Variants in PDGFD observed in about 807,000 individuals in gnomAD.
The protein encoded by PDGFD is platelet-derived growth factor D.
Under a neutral mutation model 44.7 loss-of-function variants are expected in PDGFD, and 30 were observed. The ratio of observed to expected loss-of-function variants is 0.67; its 90% CI spans 0.50 to 0.91. The LOEUF (loss-of-function observed/expected upper bound fraction) is 0.91. PDGFD is among the 40% of genes least tolerant of loss of function. The pLI, the probability that PDGFD is intolerant of heterozygous loss-of-function variation, is 0.00. For synonymous variants in PDGFD, 173 were observed against 168.4 expected (o/e 1.03, Z -0.21); for missense variants, 445 against 457.8 (o/e 0.97, Z 0.25).
intron 1 of PDGFD, among the ~76,000 whole-genome samples, chr11:104,142,865 G>T (rs563463078): frequency 6.6e-6 from 1 of 152,144 alleles, no homozygotes; most frequent in Non-Finnish European, 1.5e-5. Flanking sequence ...GTGCATGTCC[G>T]CGAAGGTTTC....
At chr11:103,956,798 T>A (rs999419025) in intron 3 of PDGFD, among the ~76,000 whole-genome samples, 1 of 152,210 alleles carries the variant, frequency 6.6e-6, no homozygotes, top group African/African-American at 2.4e-5. Context: ...TGATTTGCAT[T>A]TCTCTGATGG....
At chr11:103,987,582 C>T (rs1253128893) in intron 3 of PDGFD, among the ~76,000 whole-genome samples, 1 of 152,164 alleles carries the variant, frequency 6.6e-6, no homozygotes, top group Non-Finnish European at 1.5e-5. Flanking sequence ...GCTTTTCATT[C>T]CACCCAAGTT....
rs1047981125 is a variant in PDGFD at position 103,909,441 on chromosome 11, T to C, written c.*253A>G. 9.4e-6 allele frequency: 4 copies of C among 427,066 alleles called. No individual in the cohort carries two copies. Among genetic ancestry groups the C allele is most frequent in the Admixed American group, 3.5e-5 (1 of 28,526 alleles). The allele number at this position is 427,066 out of a possible 1,614,324, so 26.5% of individuals were successfully genotyped here. ...ACACATAGACATGAATATATTTCTG[T>C]GTGTGTTTGTGCATATATAACCTCA... On this transcript the variant is annotated 3_prime_UTR_variant, in exon 7 of 7. Coordinates refer to ENST00000393158, the MANE Select transcript of PDGFD (RefSeq NM_025208.5).
At chr11:104,009,353 CA>C (rs1565309616) in intron 1 of PDGFD, among the ~76,000 whole-genome samples, 1 of 152,068 alleles carries the variant, frequency 6.6e-6, no homozygotes, top group African/African-American at 2.4e-5. Flanking sequence ...CATAGGTTCT[CA>C]TCCTATGCAA....
chr11:103,910,588 T>C (rs966223129), intron 6 of PDGFD, among the ~76,000 whole-genome samples: 3 of 152,220 alleles, frequency 2.0e-5, no homozygotes, highest in Non-Finnish European at 2.9e-5. Flanking sequence ...ACTTTTCCCA[T>C]AGTCTTTGCA....
chr11:104,036,987 C>T (rs1413159820), intron 1 of PDGFD: 2 of 1,614,270 alleles, frequency 1.2e-6, no homozygotes, highest in Non-Finnish European at 8.5e-7. Context: ...GACTCCTCAT[C>T]GAGGACCACT....
intron 3 of PDGFD, among the ~76,000 whole-genome samples, chr11:103,983,002 T>C (rs1859296368): frequency 6.6e-6 from 1 of 151,700 alleles, no homozygotes; most frequent in Non-Finnish European, 1.5e-5. Flanking sequence ...CCAAAGAAAT[T>C]TATAGATTCA....
chr11:104,148,922 T>C (rs777528163), intron 1 of PDGFD, among the ~76,000 whole-genome samples: 51 of 152,208 alleles, frequency 3.4e-4, no homozygotes, highest in Non-Finnish European at 6.0e-4. Context: ...GGACATGATC[T>C]TGTTTTTTTA....
At chr11:103,936,475 T>A (rs953940868) in intron 5 of PDGFD, among the ~76,000 whole-genome samples, 3 of 152,176 alleles carry the variant, frequency 2.0e-5, no homozygotes, top group African/African-American at 7.2e-5. Context: ...AATGATAAAA[T>A]TTTTTTAAAG....
At chr11:104,001,849 G>A (rs1179626303) in intron 1 of PDGFD, among the ~76,000 whole-genome samples, 1 of 152,162 alleles carries the variant, frequency 6.6e-6, no homozygotes, top group East Asian at 1.9e-4. Flanking sequence ...GGCTGTTAGA[G>A]CTTCCAAAAA....
intron 1 of PDGFD, among the ~76,000 whole-genome samples, chr11:104,134,682 T>C (rs1861975431): frequency 6.6e-6 from 1 of 152,200 alleles, no homozygotes; most frequent in African/African-American, 2.4e-5. Flanking sequence ...AAAGTCAGTA[T>C]TTCAGTTAAG....
intron 3 of PDGFD, among the ~76,000 whole-genome samples, chr11:103,974,538 G>A (rs1859153189): frequency 6.6e-6 from 1 of 152,204 alleles, no homozygotes; most frequent in South Asian, 2.1e-4. Flanking sequence ...GTATACACGT[G>A]CCATGGTGGT....
At chr11:104,009,028 G>C (rs17421160) in intron 1 of PDGFD, among the ~76,000 whole-genome samples, 44,879 of 151,838 alleles carry the variant, frequency 0.3, 8,104 homozygotes, top group Admixed American at 0.48. Flanking sequence ...TATTAATGTA[G>C]CCAAGGGCCC....
chr11:103,925,056 T>C (rs1858284530), intron 6 of PDGFD, among the ~76,000 whole-genome samples: 1 of 151,904 alleles, frequency 6.6e-6, no homozygotes, highest in Non-Finnish European at 1.5e-5. Flanking sequence ...CATGTGGTGG[T>C]TGGTTTTCTG....
At chr11:103,935,674 T>G (rs943402054) in intron 5 of PDGFD, among the ~76,000 whole-genome samples, 1 of 152,168 alleles carries the variant, frequency 6.6e-6, no homozygotes, top group Non-Finnish European at 1.5e-5. Context: ...CTTAGAGCCT[T>G]ATAGGGAAGA....
chr11:103,940,591 T>C (rs534191135), intron 5 of PDGFD, among the ~76,000 whole-genome samples: 1 of 152,144 alleles, frequency 6.6e-6, no homozygotes, highest in Non-Finnish European at 1.5e-5. Flanking sequence ...TACATTGGCA[T>C]ACAAGCCATG....
intron 1 of PDGFD, among the ~76,000 whole-genome samples, chr11:104,063,182 C>T (rs540394801): frequency 6.6e-6 from 1 of 152,002 alleles, no homozygotes; most frequent in African/African-American, 2.4e-5. Context: ...GATTTTGACG[C>T]CTTTCTACAA....
chr11:103,962,854 C>A (rs1043638939), intron 3 of PDGFD, among the ~76,000 whole-genome samples: 1 of 152,090 alleles, frequency 6.6e-6, no homozygotes, highest in Admixed American at 6.5e-5. Flanking sequence ...TCATTACATT[C>A]TTTCCAAAAT....
intron 1 of PDGFD, among the ~76,000 whole-genome samples, chr11:104,014,182 C>T (rs992735664): frequency 6.6e-6 from 1 of 152,208 alleles, no homozygotes; most frequent in Non-Finnish European, 1.5e-5. Context: ...TGTTTCTCTA[C>T]ATTTTTGCTT....
Sources: allele counts gnomAD v4.1 joint callset (sites outside exome capture counted in the v4.1 genomes callset), GRCh38; gene constraint gnomAD v4.1.1; transcripts MANE v1.5; gene names NCBI Gene and HGNC (gene_info 2026-07-23, HGNC 2026-07-21).